Variants in ELAVL2 observed in about 807,000 individuals in gnomAD.
The protein encoded by ELAVL2 is ELAV like RNA binding protein 2.
In ELAVL2, 4 loss-of-function variants were observed where a neutral mutation model predicts 34.6. The observed-to-expected ratio is 0.12, with a 90% CI of 0.06 to 0.26. ELAVL2 has a LOEUF of 0.26. Ranked by LOEUF, ELAVL2 falls within the 10% of genes least tolerant of loss-of-function variation. The probability of loss-of-function intolerance (pLI) is 1.00; values close to 1 mark genes in which losing one functional copy is unlikely to be tolerated. For synonymous variants in ELAVL2, 193 were observed against 154.8 expected, an observed-to-expected ratio of 1.25 and a Z score of -1.83; for missense variants, 432 against 442.8, an observed-to-expected ratio of 0.98 and a Z score of 0.22.
At chr9:23,756,301 C>T (rs2891188) in intron 2 of ELAVL2, among the ~76,000 whole-genome samples, 19,308 of 152,202 alleles carry the variant, frequency 0.13, 1,355 homozygotes, top group East Asian at 0.24. Flanking sequence ...GCACTACCTA[C>T]TCAGAGGTAA....
intron 3 of ELAVL2, among the ~76,000 whole-genome samples, chr9:23,725,883 A>G (rs1357656415): frequency 6.6e-6 from 1 of 152,144 alleles, no homozygotes; most frequent in Admixed American, 6.5e-5. Context: ...TTCCTCTCCT[A>G]AAAAGCAGGT....
chr9:23,765,128 T>A, intron 1 of ELAVL2: 1 of 1,567,558 alleles, frequency 6.4e-7, no homozygotes, highest in South Asian at 1.2e-5. Context: ...AAGTACCGTA[T>A]GTTAGATGAG....
intron 3 of ELAVL2, among the ~76,000 whole-genome samples, chr9:23,722,180 C>T (rs932317556): frequency 6.6e-6 from 1 of 152,152 alleles, no homozygotes; most frequent in Non-Finnish European, 1.5e-5. Context: ...ACCATCCATG[C>T]TTTTTTAAAG....
At chr9:23,751,333 T>A (rs1283950389) in intron 2 of ELAVL2, among the ~76,000 whole-genome samples, 1 of 152,156 alleles carries the variant, frequency 6.6e-6, no homozygotes, top group Non-Finnish European at 1.5e-5. Context: ...TAAAATTGCA[T>A]CTGCTAAGTT....
intron 5 of ELAVL2, among the ~76,000 whole-genome samples, chr9:23,695,507 C>G (rs76359057): frequency 0.011 from 1,698 of 152,232 alleles, 40 homozygotes; most frequent in African/African-American, 0.038. Context: ...TACCGTCAGG[C>G]CTTTTTTAAC....
upstream of ELAVL2, among the ~76,000 whole-genome samples, chr9:23,828,467 G>A (rs1329017544): frequency 6.6e-6 from 1 of 152,140 alleles, no homozygotes; most frequent in South Asian, 2.1e-4. Context: ...GATATCTGTA[G>A]ATAACCCAAA....
chr9:23,717,931 CAAAA>C (rs1020361970), intron 3 of ELAVL2, among the ~76,000 whole-genome samples: 3 of 151,970 alleles, frequency 2.0e-5, no homozygotes, highest in African/African-American at 7.3e-5. Flanking sequence ...CTCAGTAAAA[CAAAA>C]AAACAACTTG....
the ELAVL2 span, among the ~76,000 whole-genome samples, chr9:23,836,015 G>A: frequency 6.6e-6 from 1 of 152,120 alleles, no homozygotes; most frequent in Non-Finnish European, 1.5e-5. Context: ...AAACACATAT[G>A]CATAAACACA....
At chr9:23,748,890 G>A (rs554406304) in intron 2 of ELAVL2, among the ~76,000 whole-genome samples, 6 of 152,226 alleles carry the variant, frequency 3.9e-5, no homozygotes, top group African/African-American at 1.4e-4. Flanking sequence ...TATATCAAAT[G>A]TTGTATGATT....
At chr9:23,704,853 C>G in intron 4 of ELAVL2, 65 bp downstream of exon 4, 1 of 1,587,176 alleles carries the variant, frequency 6.3e-7, no homozygotes, top group Non-Finnish European at 8.6e-7. Flanking sequence ...CATGGAAAGA[C>G]AGAATATTTC....
At chr9:23,749,136 T>C (rs1471946174) in intron 2 of ELAVL2, among the ~76,000 whole-genome samples, 2 of 152,158 alleles carry the variant, frequency 1.3e-5, no homozygotes, top group African/African-American at 4.8e-5. Flanking sequence ...TGATAAATTT[T>C]ATGTTATATT....
intron 1 of ELAVL2, among the ~76,000 whole-genome samples, chr9:23,823,459 A>G (rs962116263): frequency 2.6e-5 from 4 of 152,188 alleles, no homozygotes; most frequent in Non-Finnish European, 5.9e-5. Flanking sequence ...TTTTTTGTGA[A>G]GAGCTCCAGA....
chr9:23,701,028 T>G (rs2037012298), intron 5 of ELAVL2, among the ~76,000 whole-genome samples: 1 of 152,154 alleles, frequency 6.6e-6, no homozygotes. Flanking sequence ...CTGTAGGAGC[T>G]TAGCAGCATC....
intron 1 of ELAVL2, among the ~76,000 whole-genome samples, chr9:23,805,940 G>A (rs2062161792): frequency 6.6e-6 from 1 of 151,916 alleles, no homozygotes; most frequent in Admixed American, 6.6e-5. Context: ...AGTCAAAGTG[G>A]TTACAGAAGC....
intron 2 of ELAVL2, among the ~76,000 whole-genome samples, 164 bp downstream of exon 2, chr9:23,761,842 A>G (rs2055087786): frequency 6.6e-6 from 1 of 152,094 alleles, no homozygotes; most frequent in African/African-American, 2.4e-5. Context: ...TGATTTAAAA[A>G]GAAAATTTTA....
intron 1 of ELAVL2, among the ~76,000 whole-genome samples, chr9:23,800,217 G>A (rs2061419959): frequency 6.6e-6 from 1 of 152,154 alleles, no homozygotes; most frequent in South Asian, 2.1e-4. Context: ...GACATCGAAG[G>A]CTTGGATAGG....
At chr9:23,706,977 A>T (rs1430037840) in intron 3 of ELAVL2, among the ~76,000 whole-genome samples, 3 of 152,190 alleles carry the variant, frequency 2.0e-5, no homozygotes, top group Admixed American at 6.5e-5. Flanking sequence ...GCTCATTAAC[A>T]AGTGAAAATA....
intron 1 of ELAVL2, among the ~76,000 whole-genome samples, chr9:23,822,320 G>T (rs374121557): frequency 6.6e-6 from 1 of 152,012 alleles, no homozygotes; most frequent in Non-Finnish European, 1.5e-5. Context: ...GCCCCTCCCT[G>T]CCTCTCTAGA....
intron 1 of ELAVL2, 135 bp from the exon 2 acceptor site, chr9:23,762,384 G>A (rs990112240): frequency 4.4e-6 from 5 of 1,132,698 alleles, no homozygotes; most frequent in East Asian, 2.4e-5. Flanking sequence ...AACAAAAAGT[G>A]TAATACCTAC....
Sources: allele counts gnomAD v4.1 joint callset (sites outside exome capture counted in the v4.1 genomes callset), GRCh38; gene constraint gnomAD v4.1.1; transcripts MANE v1.5; gene names NCBI Gene and HGNC (gene_info 2026-07-23, HGNC 2026-07-21).